Variants in CCDC171 observed in about 807,000 individuals in gnomAD.
The protein encoded by CCDC171 is coiled-coil domain containing 171, also known as coiled-coil domain-containing protein 171.
A neutral mutation model predicts 168.2 loss-of-function variants in CCDC171; 177 were observed. The observed-to-expected ratio is 1.05, with a 90% CI of 0.93 to 1.19. The LOEUF (loss-of-function observed/expected upper bound fraction) is 1.19. Among genes scored for constraint, CCDC171 ranks in the 50% most tolerant of loss-of-function variants. The pLI, the probability that CCDC171 is intolerant of heterozygous loss-of-function variation, is 0.00. For missense variants in CCDC171, 1,991 were observed against 1,539.0 expected (o/e 1.29, Z -4.91); for synonymous variants, 687 against 540.8 (o/e 1.27, Z -3.75).
intron 5 of CCDC171, 54 bp downstream of exon 5, chr9:15,591,610 G>T: frequency 2.1e-6 from 2 of 962,480 alleles, no homozygotes; most frequent in Non-Finnish European, 3.1e-6. Context: ...ACCGAGATGT[G>T]TTGTACATTA....
intron 21 of CCDC171, among the ~76,000 whole-genome samples, chr9:15,829,884 C>A (rs1376087446): frequency 6.6e-6 from 1 of 152,148 alleles, no homozygotes; most frequent in African/African-American, 2.4e-5. Flanking sequence ...TGTGCCACTG[C>A]ACTCCAGCCT....
chr9:15,754,463 G>A lies in CCDC171; in HGVS notation c.2671+8832G>A, dbSNP rs1234844155. Among the ~76,000 whole-genome samples, 3 of 152,110 alleles carry A rather than the reference G, an allele frequency of 2.0e-5. No homozygotes were observed. In the East Asian group the frequency reaches 5.8e-4, roughly 29 times the overall value. On this transcript the variant is annotated intron_variant, in intron 18 of 25. Transcript: ENST00000380701. ...GCAGTTGGTGGGTGGTAAAAAAATA[G>A]TTGTCACCTTATTACTCATCTCACT...
At chr9:15,900,177 G>A (rs1821427600) in intron 24 of CCDC171, among the ~76,000 whole-genome samples, 1 of 152,162 alleles carries the variant, frequency 6.6e-6, no homozygotes, top group Non-Finnish European at 1.5e-5. Context: ...CCTGTGATTA[G>A]GTTACTCATC....
intron 7 of CCDC171, among the ~76,000 whole-genome samples, chr9:15,647,838 TTCC>T (rs1407079817): frequency 6.6e-6 from 1 of 152,186 alleles, no homozygotes; most frequent in African/African-American, 2.4e-5. Flanking sequence ...GTTGGTACCA[TTCC>T]TTTTGAAACT....
chr9:15,703,665 C>G (rs1244086481), intron 11 of CCDC171, among the ~76,000 whole-genome samples: 2 of 152,148 alleles, frequency 1.3e-5, no homozygotes, highest in African/African-American at 2.4e-5. Context: ...TTGATGGACA[C>G]TTATGTGGAT....
intron 11 of CCDC171, among the ~76,000 whole-genome samples, chr9:15,704,023 A>C (rs1470679811): frequency 6.6e-6 from 1 of 152,240 alleles, no homozygotes; most frequent in Admixed American, 6.5e-5. Context: ...AAGAGAGCAC[A>C]TGCTGTTGGA....
intron 7 of CCDC171, among the ~76,000 whole-genome samples, chr9:15,644,566 T>C (rs1224622490): frequency 6.6e-6 from 1 of 152,176 alleles, no homozygotes; most frequent in African/African-American, 2.4e-5. Flanking sequence ...TTTCCAGTGG[T>C]CTTAGCAAAC....
chr9:15,905,992 A>G (rs963265018), intron 24 of CCDC171, among the ~76,000 whole-genome samples: 2 of 152,244 alleles, frequency 1.3e-5, no homozygotes, highest in African/African-American at 2.4e-5. Context: ...GAATCTCTGA[A>G]TAGACCAATA....
intron 6 of CCDC171, among the ~76,000 whole-genome samples, chr9:15,605,041 A>G (rs888659892): frequency 6.6e-6 from 1 of 152,038 alleles, no homozygotes; most frequent in Non-Finnish European, 1.5e-5. Context: ...GACCATAAGC[A>G]TGTGCCACGA....
chr9:15,630,019 T>G (rs186432938), intron 7 of CCDC171, among the ~76,000 whole-genome samples: 1 of 152,150 alleles, frequency 6.6e-6, no homozygotes. Context: ...CAAGAGCTCC[T>G]GAAGGAAGCA....
chr9:15,881,016 T>C (rs920354090), intron 24 of CCDC171, among the ~76,000 whole-genome samples: 2 of 152,196 alleles, frequency 1.3e-5, no homozygotes, highest in Admixed American at 6.5e-5. Flanking sequence ...GTATAGACTC[T>C]AGTTCTTCAG....
intron 24 of CCDC171, among the ~76,000 whole-genome samples, chr9:15,901,250 G>A (rs2794621): frequency 0.31 from 47,618 of 151,858 alleles, 7,726 homozygotes; most frequent in African/African-American, 0.39. Context: ...TCTATTTTGT[G>A]TGATACTAAT....
At position 15,963,656 on chromosome 9, in the gene CCDC171, T is replaced by A. The variant is rs186431912; in HGVS notation, c.3754-7953T>A. Among the ~76,000 whole-genome samples the A allele has an allele frequency of 2.0e-3, 300 of 152,350 alleles. 2 individuals carry two copies. Among genetic ancestry groups the A allele is most frequent in the African/African-American group, 6.4e-3 (266 of 41,580 alleles). ...TTTAATTGGGATGTGTTGCATTGTA[T>A]TTCTTTACTTATGAATTAAGTTTAG... On this transcript the variant is annotated intron_variant, in intron 25 of 25. Transcript: ENST00000380701.
intron 6 of CCDC171, among the ~76,000 whole-genome samples, chr9:16,033,718 T>C (rs1449134866): frequency 6.9e-6 from 1 of 145,844 alleles, no homozygotes; most frequent in African/African-American, 2.5e-5. Flanking sequence ...AAAAACTGTC[T>C]TACACAAAAC....
rs1334287774 is a variant in CCDC171, at chr9:15,728,806, C to T, written c.1860+770C>T. 2.0e-5 allele frequency among the ~76,000 whole-genome samples: 3 copies of T among 151,854 alleles called. No homozygotes were observed. The East Asian group carries it at 5.8e-4, about 29-fold the overall frequency. On this transcript the variant is annotated intron_variant, in intron 15 of 25. Transcript: ENST00000380701. ...AGTTTCCAGGTCTTAGTTGCAATGA[C>T]ATGTGCTCTTAAGGGACAAGAAGAG...
intron 15 of CCDC171, among the ~76,000 whole-genome samples, chr9:15,729,323 TTCTCAA>T (rs2134319458): frequency 6.6e-6 from 1 of 152,290 alleles, no homozygotes; most frequent in South Asian, 2.1e-4. Flanking sequence ...AACAGTATCT[TTCTCAA>T]TCTCAATCAA....
At chr9:15,770,516 A>G (rs1240070070) in intron 18 of CCDC171, among the ~76,000 whole-genome samples, 1 of 152,198 alleles carries the variant, frequency 6.6e-6, no homozygotes, top group South Asian at 2.1e-4. Flanking sequence ...TCATTTGTCT[A>G]AAATGATAAC....
intron 25 of CCDC171, among the ~76,000 whole-genome samples, chr9:15,947,817 T>C (rs939370094): frequency 6.7e-6 from 1 of 150,178 alleles, no homozygotes; most frequent in African/African-American, 2.5e-5. Flanking sequence ...TTTTTTTAAT[T>C]TTTTTATTTT....
chr9:15,983,372 T>TA (rs1831866078), intron 3 of CCDC171, among the ~76,000 whole-genome samples: 1 of 152,140 alleles, frequency 6.6e-6, no homozygotes, highest in Non-Finnish European at 1.5e-5. Context: ...TTTCTTTTTT[T>TA]AAAAAAACAT....
Sources: gnomAD v4.1 joint callset for allele counts (sites outside exome capture counted in the v4.1 genomes callset) on GRCh38, gnomAD v4.1.1 for gene constraint, MANE v1.5 for transcripts, NCBI Gene and HGNC (gene_info 2026-07-23, HGNC 2026-07-21) for gene names.